Variants in RAPH1 observed in about 807,000 individuals in gnomAD.
The protein encoded by RAPH1 is Ras association (RalGDS/AF-6) and pleckstrin homology domains 1, also known as ras-associated and pleckstrin homology domains-containing protein 1.
In RAPH1, 18 loss-of-function variants were observed where a neutral mutation model predicts 88.1. That is an observed-to-expected ratio of 0.20 (90% confidence interval 0.14 to 0.30). The LOEUF (loss-of-function observed/expected upper bound fraction) is 0.30. Among genes scored for constraint, RAPH1 ranks in the 10% least tolerant of loss-of-function variants. The pLI is 1.00. For missense variants in RAPH1, 1,448 were observed against 1,543.2 expected (o/e 0.94, Z 1.03); for synonymous variants, 587 against 559.0 (o/e 1.05, Z -0.71).
Position 203,440,064 on chromosome 2 carries a change from T to A in RAPH1, c.3126A>T (p.Gln1042His), listed in dbSNP as rs186211012. The A allele has an allele frequency of 1.2e-6, 2 of 1,613,644 alleles. No homozygotes were observed. The highest frequency in any genetic ancestry group is 3.3e-5 in the Admixed American group (2 of 60,020). ...LSGVNLPGVL[Q>H]QGCVSAKAPV... ...GGGCTTTTGCTGACACACACCCTTGTTGGAGAACTCCAGGAAGGTTGACTC... is the reference window on the plus strand; with the variant it reads ...GGGCTTTTGCTGACACACACCCTTGATGGAGAACTCCAGGAAGGTTGACTC... Residue 1042 changes from glutamine (Q) to histidine (H), a missense_variant, in exon 14 of 14, where the codon CAA becomes CAT. Around this residue, in one of 2 missense-constraint regions of RAPH1, gnomAD observed 935 missense variants for 890.1 expected, o/e 1.05. Transcript: ENST00000319170.
At chr2:203,527,800 CA>C (rs59384499) in intron 1 of RAPH1, among the ~76,000 whole-genome samples, 1,789 of 51,250 alleles carry the variant, frequency 0.035, 11 homozygotes, top group African/African-American at 0.056. Flanking sequence ...AACTCCATCT[CA>C]AAAAAAAAAA....
chr2:203,524,572 C>T (rs1690033591), intron 1 of RAPH1, among the ~76,000 whole-genome samples: 1 of 152,108 alleles, frequency 6.6e-6, no homozygotes, highest in Non-Finnish European at 1.5e-5. Flanking sequence ...ATCGAAGAAT[C>T]TAAAAATTAT....
rs192330093 is a variant in RAPH1 at position 203,492,049 on chromosome 2, C to T, written c.121-730G>A. Reference sequence around the variant, plus strand: ...AGAAGTTCGAGACCAACTTGGCCAACGGGGCGAAACCCCATCTCTACTAAA... The same window carrying T: ...AGAAGTTCGAGACCAACTTGGCCAATGGGGCGAAACCCCATCTCTACTAAA... On this transcript the variant is annotated intron_variant, in intron 2 of 13. Transcript: ENST00000319170. Among the ~76,000 whole-genome samples the T allele has an allele frequency of 5.5e-4, 84 of 151,980 alleles. No homozygotes were observed. In the East Asian group the frequency reaches 0.016, roughly 28 times the overall value.
At chr2:203,470,652 A>C (rs1055592137) in intron 4 of RAPH1, among the ~76,000 whole-genome samples, 3 of 152,240 alleles carry the variant, frequency 2.0e-5, no homozygotes, top group Admixed American at 6.5e-5. Context: ...GCACACAAAT[A>C]AATGAATGTC....
intron 4 of RAPH1, among the ~76,000 whole-genome samples, chr2:203,464,777 AG>A (rs1390552547): frequency 7.6e-6 from 1 of 131,488 alleles, no homozygotes; most frequent in African/African-American, 3.4e-5. Flanking sequence ...AAAAAAAAAG[AG>A]AGAGAGAGCT....
chr2:203,516,653 A>C (rs535488875), intron 1 of RAPH1, among the ~76,000 whole-genome samples: 1 of 152,082 alleles, frequency 6.6e-6, no homozygotes, highest in Non-Finnish European at 1.5e-5. Flanking sequence ...GGAGGCTTGA[A>C]CCTGGGAAGC....
chr2:203,498,358 A>T (rs1688604431), intron 1 of RAPH1, among the ~76,000 whole-genome samples: 3 of 152,210 alleles, frequency 2.0e-5, no homozygotes, highest in South Asian at 4.1e-4. Context: ...TCATCAGGAA[A>T]ATCTGTGATG....
At chr2:203,441,835 G>A in intron 13 of RAPH1, 1 of 1,329,896 alleles carries the variant, frequency 7.5e-7, no homozygotes, top group East Asian at 3.1e-5. Flanking sequence ...TTCAGTCCAT[G>A]ACTGCATCCA....
chr2:203,496,169 G>T (rs1487361042), intron 1 of RAPH1, among the ~76,000 whole-genome samples: 1 of 152,142 alleles, frequency 6.6e-6, no homozygotes, highest in African/African-American at 2.4e-5. Context: ...AACCAGCCTG[G>T]CCAACATGGC....
chr2:203,439,525 T>C lies in RAPH1; in HGVS notation c.3665A>G (p.His1222Arg). Residue 1222 changes from histidine (H) to arginine (R), a missense_variant, in exon 14 of 14, where the codon CAT (histidine) becomes CGT (arginine). Coordinates refer to ENST00000319170, the MANE Select transcript of RAPH1 (RefSeq NM_213589.3). ...CCGCAACGTTGCATAGCCTGATATATGACTGCCTCCGTAACCAGCCTTCTG... is the reference window on the plus strand; with the variant it reads ...CCGCAACGTTGCATAGCCTGATATACGACTGCCTCCGTAACCAGCCTTCTG... ...DQQKAGYGGS[H>R]ISGYATLRRG... 2.5e-6 allele frequency: 4 copies of C among 1,614,114 alleles called. No individual in the cohort carries two copies. Among genetic ancestry groups the C allele is most frequent in the Non-Finnish European group, 3.4e-6 (4 of 1,180,020 alleles).
At chr2:203,451,953 T>C (rs912468471) in intron 10 of RAPH1, among the ~76,000 whole-genome samples, 3 of 152,152 alleles carry the variant, frequency 2.0e-5, no homozygotes, top group South Asian at 4.1e-4. Flanking sequence ...AAAAGACAAA[T>C]ACAGGGAGCA....
intron 1 of RAPH1, among the ~76,000 whole-genome samples, chr2:203,509,014 T>C (rs993818354): frequency 6.6e-6 from 1 of 151,982 alleles, no homozygotes; most frequent in Non-Finnish European, 1.5e-5. Context: ...TAGAAAGATA[T>C]TTATTCATCA....
intron 1 of RAPH1, among the ~76,000 whole-genome samples, chr2:203,528,999 ATATATATTTTTTT>A (rs1690255557): frequency 1.2e-5 from 1 of 81,172 alleles, no homozygotes; most frequent in South Asian, 4.3e-4. Context: ...ATATATATAT[ATATATATTTTTTT>A]TTTTTTTTTT....
chr2:203,473,486 C>T (rs192737751), intron 4 of RAPH1, among the ~76,000 whole-genome samples: 119 of 151,836 alleles, frequency 7.8e-4, no homozygotes, highest in African/African-American at 2.4e-3. Context: ...CTACCAGGGC[C>T]GTATTATCAG....
chr2:203,451,249 T>C lies in RAPH1; in HGVS notation c.1414-2413A>G, dbSNP rs1007122152. On this transcript the variant is annotated intron_variant, in intron 10 of 13. Coordinates refer to ENST00000319170, the MANE Select transcript of RAPH1 (RefSeq NM_213589.3). Reference sequence around the variant, plus strand: ...GCTATGTACTAGACACTATGTAAAATATTTCACATACTTCACATTTTTCAT... The same window carrying C: ...GCTATGTACTAGACACTATGTAAAACATTTCACATACTTCACATTTTTCAT... Among the ~76,000 whole-genome samples the C allele has an allele frequency of 5.9e-5, 9 of 152,196 alleles. No homozygotes were observed. In the South Asian group the frequency reaches 6.2e-4, roughly 10 times the overall value.
intron 12 of RAPH1, chr2:203,446,790 C>G (rs966408140): frequency 6.6e-6 from 1 of 152,044 alleles, no homozygotes; most frequent in Admixed American, 6.6e-5. Flanking sequence ...GTTGCACAAG[C>G]TGGAGCACAG....
chr2:203,449,801 G>T (rs1215472093), intron 10 of RAPH1, among the ~76,000 whole-genome samples: 1 of 152,130 alleles, frequency 6.6e-6, no homozygotes, highest in East Asian at 1.9e-4. Context: ...GAGGCGGGTG[G>T]ATCAAGGAGT....
chr2:203,488,588 TAAAAAAAAAAA>T (rs750783858), intron 4 of RAPH1, among the ~76,000 whole-genome samples: 8 of 36,662 alleles, frequency 2.2e-4, no homozygotes, highest in South Asian at 1.5e-3. Flanking sequence ...CTCCGTCTAT[TAAAAAAAAAAA>T]AAAAAAAAAA....
Position 203,440,424 on chromosome 2 carries a change from T to C in RAPH1, c.2766A>G (p.Glu922=), listed in dbSNP as rs751616437. The C allele has an allele frequency of 6.4e-7, 1 of 1,551,306 alleles. No individual in the cohort carries two copies. The stretch of plus-strand genomic sequence containing the variant: ...GTGGAGGAGGAAACACCAGGCTGCT[T>C]TCAGGAGGGGGAGGAGGGAAGTCCG... ...PSPDFPPPPP[E]SSLVFPPPPP... Residue 922 remains glutamate, a synonymous_variant, in exon 14 of 14, where the codon GAA becomes GAG. Coordinates refer to ENST00000319170, the MANE Select transcript of RAPH1 (RefSeq NM_213589.3).
Sources: gnomAD v4.1 joint callset for allele counts (sites outside exome capture counted in the v4.1 genomes callset) on GRCh38, gnomAD v4.1.1 for gene constraint, gnomAD v4.1.1 regional missense constraint, MANE v1.5 for transcripts, NCBI Gene and HGNC (gene_info 2026-07-23, HGNC 2026-07-21) for gene names.